The following MACC1 variants were observed in gnomAD, a reference collection of about 807,000 sequenced individuals.
MACC1 encodes MET transcriptional regulator MACC1.
A neutral mutation model predicts 70.7 loss-of-function variants in MACC1; 79 were observed. The observed-to-expected ratio is 1.12, with a 90% CI of 0.93 to 1.35. The LOEUF is 1.35. Among genes scored for constraint, MACC1 ranks in the 40% most tolerant of loss-of-function variants. The probability of loss-of-function intolerance (pLI) is 0.00; values close to 1 mark genes in which losing one functional copy is unlikely to be tolerated. For missense variants in MACC1, 1,106 were observed against 978.1 expected (o/e 1.13, Z -1.74); for synonymous variants, 361 against 347.2 (o/e 1.04, Z -0.44).
Position 20,173,390 on chromosome 7 carries a change from T to C in MACC1, c.-217-2612A>G, listed in dbSNP as rs555694741. On this transcript the variant is annotated intron_variant, in intron 1 of 6. Coordinates refer to ENST00000400331, the MANE Select transcript of MACC1 (RefSeq NM_182762.4). Reference sequence around the variant, plus strand: ...CTCTTTCTTGGGGCATGGCCCTTTCTAGTATAGCCTTGTGATTATAGGAAA... The same window carrying C: ...CTCTTTCTTGGGGCATGGCCCTTTCCAGTATAGCCTTGTGATTATAGGAAA... Among the ~76,000 whole-genome samples the C allele has an allele frequency of 5.3e-5, 8 of 152,350 alleles. No homozygotes were observed. In the South Asian group the frequency reaches 1.7e-3, roughly 32 times the overall value.
intron 1 of MACC1, among the ~76,000 whole-genome samples, chr7:20,200,461 T>C (rs1782817931): frequency 6.6e-6 from 1 of 152,160 alleles, no homozygotes; most frequent in African/African-American, 2.4e-5. Flanking sequence ...AATTTACTGG[T>C]CATAACGACA....
intron 1 of MACC1, among the ~76,000 whole-genome samples, chr7:20,196,291 C>A (rs1341384556): frequency 1.3e-5 from 2 of 152,122 alleles, no homozygotes; most frequent in Non-Finnish European, 2.9e-5. Flanking sequence ...CGCCATTCTC[C>A]TGCCTCAGCC....
chr7:20,206,436 CTTA>C lies in MACC1; in HGVS notation c.-218+10860_-218+10862del, dbSNP rs201207245. ...TCTTGAGAAGTTCTCCTTCTTTGTC[CTTA>C]TTCACTCTACCTTCCATTGGGATTT... On this transcript the variant is annotated intron_variant, in intron 1 of 6. Coordinates refer to ENST00000400331, the MANE Select transcript of MACC1 (RefSeq NM_182762.4). Among the ~76,000 whole-genome samples, 1,014 of 152,238 alleles carry C rather than the reference CTTA, an allele frequency of 6.7e-3. 23 individuals are homozygous for C. The highest frequency in any genetic ancestry group is 0.037 in the Admixed American group (561 of 15,294).
At chr7:20,174,062 C>G (rs1336340748) in intron 1 of MACC1, among the ~76,000 whole-genome samples, 3 of 152,238 alleles carry the variant, frequency 2.0e-5, no homozygotes, top group African/African-American at 7.2e-5. Context: ...TTAAGTGTGA[C>G]TTCCTGATGA....
At chr7:20,209,926 G>A (rs145104323) in intron 1 of MACC1, among the ~76,000 whole-genome samples, 10 of 152,210 alleles carry the variant, frequency 6.6e-5, no homozygotes, top group African/African-American at 2.2e-4. Flanking sequence ...TTTTATAATT[G>A]TCCGGCATTT....
intron 1 of MACC1, among the ~76,000 whole-genome samples, chr7:20,214,479 T>A (rs538181828): frequency 3.3e-4 from 50 of 152,314 alleles, no homozygotes; most frequent in African/African-American, 1.2e-3. Flanking sequence ...ACTTAATATT[T>A]CCTGTAAATT....
intron 1 of MACC1, among the ~76,000 whole-genome samples, chr7:20,197,487 T>C (rs530829502): frequency 1.1e-4 from 16 of 152,356 alleles, no homozygotes; most frequent in African/African-American, 3.8e-4. Flanking sequence ...TTGTTTTTCT[T>C]TCTCGAGCAT....
rs1562576802 is a variant in MACC1, at chr7:20,138,179, A to AAAAAAAC, written c.*2766_*2767insGTTTTTT. 1 of 139,362 alleles carries AAAAAAAC rather than the reference A, an allele frequency of 7.2e-6. No individual in the cohort carries two copies. The highest frequency in any genetic ancestry group is 2.8e-5 in the African/African-American group (1 of 36,200). The allele number at this position is 139,362 out of a possible 1,614,324, so 8.6% of individuals were successfully genotyped here. The stretch of plus-strand genomic sequence containing the variant: ...AAAAAAAAAAAAAAAAAAAAAAAAA[A>AAAAAAAC]AAATTTCCCCTGGAAGGATTTGTTA... On this transcript the variant is annotated 3_prime_UTR_variant, in exon 7 of 7. Transcript: ENST00000400331.
At chr7:20,164,791 A>G (rs1029064268) in intron 2 of MACC1, among the ~76,000 whole-genome samples, 3 of 152,208 alleles carry the variant, frequency 2.0e-5, no homozygotes, top group South Asian at 2.1e-4. Context: ...AGCAAAATGT[A>G]ACAAACTAAA....
Position 20,207,244 on chromosome 7 carries a change from G to A in MACC1, c.-218+10055C>T, listed in dbSNP as rs77714989. 0.014 allele frequency among the ~76,000 whole-genome samples: 2,108 copies of A among 151,682 alleles called. 93 individuals carry two copies. The East Asian group carries it at 0.16, about 11-fold the overall frequency. On this transcript the variant is annotated intron_variant, in intron 1 of 6. Coordinates refer to ENST00000400331, the MANE Select transcript of MACC1 (RefSeq NM_182762.4). Reference sequence around the variant, plus strand: ...CAACCTCCGCCTCCTAGGTTCAAGCGATTCTCCTATCTCAGCCTCCCAAGT... The same window carrying A: ...CAACCTCCGCCTCCTAGGTTCAAGCAATTCTCCTATCTCAGCCTCCCAAGT...
intron 1 of MACC1, among the ~76,000 whole-genome samples, chr7:20,190,914 T>C (rs1782662870): frequency 6.6e-6 from 1 of 152,360 alleles, no homozygotes; most frequent in African/African-American, 2.4e-5. Context: ...CAATTGTTAC[T>C]ATGTACACAG....
At chr7:20,208,764 G>C (rs1782951709) in intron 1 of MACC1, among the ~76,000 whole-genome samples, 1 of 152,198 alleles carries the variant, frequency 6.6e-6, no homozygotes, top group African/African-American at 2.4e-5. Context: ...ATGTCTCCGG[G>C]GCATGTCAGA....
chr7:20,152,087 G>A (rs1781987677), intron 6 of MACC1, among the ~76,000 whole-genome samples: 1 of 152,138 alleles, frequency 6.6e-6, no homozygotes, highest in African/African-American at 2.4e-5. Flanking sequence ...CTGTCACGGA[G>A]TCAGTGCCAG....
At chr7:20,161,641 A>C (rs976795645) in intron 4 of MACC1, 107 bp downstream of exon 4, 6 of 668,472 alleles carry the variant, frequency 9.0e-6, no homozygotes, top group Admixed American at 7.9e-5. Flanking sequence ...AAGATTTTAT[A>C]ATTCTTTTCA....
intron 2 of MACC1, among the ~76,000 whole-genome samples, chr7:20,165,470 C>T (rs1055694394): frequency 6.6e-6 from 1 of 152,060 alleles, no homozygotes; most frequent in African/African-American, 2.4e-5. Flanking sequence ...ACACATCCCT[C>T]CATCCCTCAC....
intron 1 of MACC1, among the ~76,000 whole-genome samples, chr7:20,215,027 G>A (rs1783048608): frequency 6.6e-6 from 1 of 152,020 alleles, no homozygotes; most frequent in African/African-American, 2.4e-5. Flanking sequence ...TCTCTTCTGT[G>A]TTTTAGGAAG....
At chr7:20,165,093 G>A (rs1015134080) in intron 2 of MACC1, among the ~76,000 whole-genome samples, 1 of 152,120 alleles carries the variant, frequency 6.6e-6, no homozygotes, top group Non-Finnish European at 1.5e-5. Flanking sequence ...AGGCACCAAA[G>A]GGTCGTTAGC....
chr7:20,211,193 C>T (rs1258737731), intron 1 of MACC1, among the ~76,000 whole-genome samples: 1 of 152,098 alleles, frequency 6.6e-6, no homozygotes, highest in African/African-American at 2.4e-5. Context: ...TAACTATTAA[C>T]ATAAGGATTC....
In MACC1 at chr7:20,190,408, C is replaced by A. The variant is rs576899471; in HGVS notation, c.-217-19630G>T. Among the ~76,000 whole-genome samples the A allele has an allele frequency of 4.6e-5, 7 of 152,192 alleles. No individual in the cohort carries two copies. The East Asian group carries it at 1.2e-3, about 25-fold the overall frequency. ...TTAGCATTTGTATGATATCTAATAA[C>A]CACAAATTAATTAATAAATTTTTAT... On this transcript the variant is annotated intron_variant, in intron 1 of 6. Coordinates refer to ENST00000400331, the MANE Select transcript of MACC1 (RefSeq NM_182762.4).
Sources: gnomAD v4.1 joint callset for allele counts (sites outside exome capture counted in the v4.1 genomes callset) on GRCh38, gnomAD v4.1.1 for gene constraint, MANE v1.5 for transcripts, NCBI Gene and HGNC (gene_info 2026-07-23, HGNC 2026-07-21) for gene names.